PTK2: variants seen among roughly 807,000 people sequenced by gnomAD.
The protein encoded by PTK2 is focal adhesion kinase 1.
Under a neutral mutation model 150.1 loss-of-function variants are expected in PTK2, and 45 were observed. That is an observed-to-expected ratio of 0.30 (90% confidence interval 0.24 to 0.38). The LOEUF is 0.38. PTK2 is among the 10% of genes least tolerant of loss of function. The pLI is 1.00. For synonymous variants in PTK2, 432 were observed against 449.2 expected, an observed-to-expected ratio of 0.96 and a Z score of 0.48; for missense variants, 919 against 1,307.3, an observed-to-expected ratio of 0.70 and a Z score of 4.58.
chr8:140,896,005 C>T (rs1339808271), intron 2 of PTK2, among the ~76,000 whole-genome samples: 1 of 151,904 alleles, frequency 6.6e-6, no homozygotes, highest in Non-Finnish European at 1.5e-5. Context: ...AAACTAGCAA[C>T]ATCAAAAATG....
At chr8:140,690,098 G>A (rs1048343385) in intron 26 of PTK2, among the ~76,000 whole-genome samples, 3 of 152,060 alleles carry the variant, frequency 2.0e-5, no homozygotes, top group African/African-American at 4.8e-5. Context: ...GACTACAGGC[G>A]TCCGCCACCA....
chr8:140,891,111 A>G (rs1356032817), intron 2 of PTK2, among the ~76,000 whole-genome samples: 1 of 147,796 alleles, frequency 6.8e-6, no homozygotes, highest in Non-Finnish European at 1.5e-5. Flanking sequence ...ATCTCATAGC[A>G]AAGCCAAATT....
intron 8 of PTK2, among the ~76,000 whole-genome samples, chr8:140,828,490 C>A (rs1189573590): frequency 6.6e-6 from 1 of 152,106 alleles, no homozygotes; most frequent in Non-Finnish European, 1.5e-5. Context: ...CACTCTTTTC[C>A]TAATTGTTTA....
At chr8:140,796,023 C>T (rs1247474285) in intron 12 of PTK2, among the ~76,000 whole-genome samples, 1 of 152,194 alleles carries the variant, frequency 6.6e-6, no homozygotes, top group South Asian at 2.1e-4. Context: ...GCCACATATA[C>T]TTCTCTACAG....
chr8:140,941,822 C>T (rs2100175896), intron 1 of PTK2, among the ~76,000 whole-genome samples: 2 of 152,202 alleles, frequency 1.3e-5, no homozygotes, highest in Admixed American at 6.5e-5. Flanking sequence ...CCTCCCACCT[C>T]AGTCTCCCAA....
chr8:140,867,318 T>C (rs567113956), intron 4 of PTK2, among the ~76,000 whole-genome samples: 2 of 152,300 alleles, frequency 1.3e-5, no homozygotes, highest in East Asian at 3.8e-4. Flanking sequence ...CAGGTTAATA[T>C]TCACCTTATG....
rs184305669 is a variant in PTK2 at position 140,695,221 on chromosome 8, T to C, written c.2499+5670A>G. On this transcript the variant is annotated intron_variant, in intron 26 of 31. Transcript: ENST00000522684. ...CCTGTCCCGGATTCTTCCTTCCTCT[T>C]GACCTCCTATACCAATTCACCAAAT... Among the ~76,000 whole-genome samples, 366 of 152,296 alleles carry C rather than the reference T, an allele frequency of 2.4e-3. 2 individuals are homozygous for C. Among genetic ancestry groups the C allele is most frequent in the Middle Eastern group, 0.017 (5 of 294 alleles).
At chr8:140,900,727 G>C (rs1407571587) in intron 2 of PTK2, among the ~76,000 whole-genome samples, 1 of 141,674 alleles carries the variant, frequency 7.1e-6, no homozygotes, top group African/African-American at 2.6e-5. Context: ...CTCAAAAAGA[G>C]AGAAAAAAAA....
At chr8:140,955,312 A>C (rs2100180860) in intron 1 of PTK2, among the ~76,000 whole-genome samples, 1 of 152,156 alleles carries the variant, frequency 6.6e-6, no homozygotes, top group South Asian at 2.1e-4. Context: ...AAGTCTCACA[A>C]GATCTGAGGG....
chr8:140,966,710 T>A (rs765481350), intron 1 of PTK2, among the ~76,000 whole-genome samples: 1 of 152,232 alleles, frequency 6.6e-6, no homozygotes, highest in African/African-American at 2.4e-5. Context: ...TATACAATGA[T>A]ATACATGTTT....
chr8:140,894,244 C>G (rs1336876372), intron 2 of PTK2, among the ~76,000 whole-genome samples: 1 of 152,150 alleles, frequency 6.6e-6, no homozygotes, highest in African/African-American at 2.4e-5. Context: ...AGTCCACAGT[C>G]TGAAAACTGG....
rs1391406230 is a variant in PTK2 at position 140,763,291 on chromosome 8, C to A, written c.1234+943G>T. On this transcript the variant is annotated intron_variant, in intron 15 of 31. Transcript: ENST00000522684. Reference sequence around the variant, plus strand: ...TGCTTCCTCAATGTATACAGAAAATCCAAACAAGAATATTTACAAGAATAT... The same window carrying A: ...TGCTTCCTCAATGTATACAGAAAATACAAACAAGAATATTTACAAGAATAT... Among the ~76,000 whole-genome samples the A allele has an allele frequency of 7.2e-5, 11 of 152,154 alleles. No individual in the cohort carries two copies. The East Asian group carries it at 1.3e-3, about 19-fold the overall frequency.
At chr8:140,915,276 T>G (rs576333738) in intron 2 of PTK2, among the ~76,000 whole-genome samples, 1 of 152,158 alleles carries the variant, frequency 6.6e-6, no homozygotes, top group South Asian at 2.1e-4. Context: ...TTAAATTGTT[T>G]GATCGGGCTG....
intron 1 of PTK2, among the ~76,000 whole-genome samples, chr8:140,970,083 G>A (rs978446350): frequency 5.3e-5 from 8 of 152,190 alleles, no homozygotes; most frequent in East Asian, 1.9e-4. Context: ...CAGCAGCTTC[G>A]GAGAAACTCC....
Position 140,969,312 on chromosome 8 carries a change from TGA to T in PTK2, c.-122+31811_-122+31812del, listed in dbSNP as rs370936349. Among the ~76,000 whole-genome samples the T allele has an allele frequency of 1.4e-4, 21 of 152,302 alleles. No homozygotes were observed. The East Asian group carries it at 3.5e-3, about 25-fold the overall frequency. On this transcript the variant is annotated intron_variant, in intron 1 of 31. Transcript: ENST00000522684. ...AAATCAAGACAAGCCAATACTGAGATGACACAAAGGTCAGAATTATCTCACAA... is the reference window on the plus strand; with the variant it reads ...AAATCAAGACAAGCCAATACTGAGATCACAAAGGTCAGAATTATCTCACAA...
intron 2 of PTK2, among the ~76,000 whole-genome samples, chr8:140,923,565 T>C (rs2100168332): frequency 6.6e-6 from 1 of 152,240 alleles, no homozygotes; most frequent in Non-Finnish European, 1.5e-5. Context: ...TTTAAATTCC[T>C]AATCCAGTGA....
chr8:140,973,452 C>G (rs1338505474), intron 1 of PTK2, among the ~76,000 whole-genome samples: 1 of 151,630 alleles, frequency 6.6e-6, no homozygotes, highest in Non-Finnish European at 1.5e-5. Flanking sequence ...CCCTAAAATT[C>G]TAGATTACGT....
intron 16 of PTK2, among the ~76,000 whole-genome samples, chr8:140,752,806 G>A (rs1395367467): frequency 6.6e-6 from 1 of 152,186 alleles, no homozygotes; most frequent in African/African-American, 2.4e-5. Context: ...TGAGACAAGA[G>A]CAAAAAAACT....
intron 2 of PTK2, among the ~76,000 whole-genome samples, chr8:140,920,641 GCTAT>G (rs2100167045): frequency 6.6e-6 from 1 of 152,178 alleles, no homozygotes; most frequent in Non-Finnish European, 1.5e-5. Context: ...TATTTGAAAA[GCTAT>G]CTAATTGGTT....
Sources: allele counts gnomAD v4.1 joint callset (sites outside exome capture counted in the v4.1 genomes callset), GRCh38; gene constraint gnomAD v4.1.1; transcripts MANE v1.5; gene names NCBI Gene and HGNC (gene_info 2026-07-23, HGNC 2026-07-21).